The following BRAF variants were observed in gnomAD, a reference collection of about 807,000 sequenced individuals.
BRAF encodes the protein serine/threonine-protein kinase B-raf.
BRAF carries 16 observed loss-of-function variants against 104.6 expected under a neutral mutation model. The observed-to-expected ratio is 0.15, with a 90% CI of 0.10 to 0.23. BRAF has a LOEUF of 0.23. Ranked by LOEUF, BRAF falls within the 10% of genes least tolerant of loss-of-function variation. BRAF has a pLI of 1.00. For missense variants in BRAF, 541 were observed against 937.3 expected (o/e 0.58, Z 5.52); for synonymous variants, 310 against 341.6 (o/e 0.91, Z 1.02).
intron 1 of BRAF, among the ~76,000 whole-genome samples, chr7:140,909,574 G>C (rs1486285484): frequency 1.3e-5 from 2 of 152,156 alleles, no homozygotes; most frequent in African/African-American, 2.4e-5. Flanking sequence ...ACTGCAGACT[G>C]AAGAGTATTT....
intron 17 of BRAF, chr7:140,740,665 T>C (rs1237209416): frequency 6.6e-6 from 1 of 152,222 alleles, no homozygotes; most frequent in Non-Finnish European, 1.5e-5. Context: ...TTAGAGGGAA[T>C]AGGTGCAACA....
At chr7:140,846,409 G>A (rs1032497462) in intron 2 of BRAF, among the ~76,000 whole-genome samples, 1 of 152,276 alleles carries the variant, frequency 6.6e-6, no homozygotes, top group Admixed American at 6.5e-5. Context: ...AAATAAGCCA[G>A]TCACAAAAGG....
In BRAF at chr7:140,724,056, G is replaced by A. The variant is rs747956850; in HGVS notation, c.*2438C>T. 4.6e-4 allele frequency: 486 copies of A among 1,047,778 alleles called. 6 individuals carry two copies. Among genetic ancestry groups the A allele is most frequent in the Non-Finnish European group, 1.0e-4 (88 of 868,374 alleles). 64.9% of individuals were successfully genotyped at this position (1,047,778 alleles called of 1,614,324 possible). ...TCTCAATATGCTAAGCCTGGCTCCT[G>A]GGCACAGCTTCATTTGAGATCAAGT... On this transcript the variant is annotated 3_prime_UTR_variant, in exon 20 of 20. Transcript: ENST00000644969.
intron 19 of BRAF, chr7:140,733,011 T>TA (rs1796101461): frequency 6.6e-6 from 1 of 152,208 alleles, no homozygotes; most frequent in South Asian, 2.1e-4. Flanking sequence ...TGTACTTCTT[T>TA]ATTCCTTAGT....
At chr7:140,749,476 C>T (rs1585998846) in intron 16 of BRAF, 58 bp from the exon 16 acceptor site, 2 of 1,560,846 alleles carry the variant, frequency 1.3e-6, no homozygotes, top group South Asian at 1.1e-5. Flanking sequence ...GACTGAAAAA[C>T]AACCTACTAT....
intron 1 of BRAF, among the ~76,000 whole-genome samples, chr7:140,853,974 AT>A (rs1809489995): frequency 2.0e-5 from 3 of 152,266 alleles, no homozygotes; most frequent in South Asian, 4.1e-4. Context: ...TTAAAAAAAA[AT>A]GAATACTTTA....
rs748461475 is a variant in BRAF, at chr7:140,734,779, AAAAAAAG to A, written c.2248-16_2248-10del. 7 of 1,334,316 alleles carry A rather than the reference AAAAAAAG, an allele frequency of 5.2e-6. No individual in the cohort carries two copies. The highest frequency in any genetic ancestry group is 2.9e-5 in the South Asian group (2 of 68,276). The allele number at this position is 1,334,316 out of a possible 1,614,324, so 82.7% of individuals were successfully genotyped here. On this transcript the variant is annotated splice_polypyrimidine_tract_variant and intron_variant, in intron 18 of 19. Coordinates refer to ENST00000644969, the MANE Select transcript of BRAF (RefSeq NM_001374258.1). ...TCAATAGAGGCGAGAATCTACAAAA[AAAAAAAG>A]AAAAAAAAAAGAAAAAAAAAGAAAA...
At chr7:140,715,557 T>C (rs1795113150), downstream of BRAF, among the ~76,000 whole-genome samples, 1 of 152,220 alleles carries the variant, frequency 6.6e-6, no homozygotes, top group Non-Finnish European at 1.5e-5. Flanking sequence ...AATCAGTTGC[T>C]TGATTTAAAA....
At chr7:140,835,361 C>A (rs769228076) in intron 2 of BRAF, 16 of 165,578 alleles carry the variant, frequency 9.7e-5, no homozygotes, top group Non-Finnish European at 2.0e-4. Flanking sequence ...TCCAAAAAAA[C>A]CCCAAAATTT....
chr7:140,760,412 T>TGA (rs1232525155), intron 14 of BRAF, among the ~76,000 whole-genome samples: 6 of 135,292 alleles, frequency 4.4e-5, no homozygotes, highest in Admixed American at 1.5e-4. Flanking sequence ...GACTCTTCCT[T>TGA]GAGAGAGAGA....
At chr7:140,888,607 G>A (rs938008940) in intron 1 of BRAF, among the ~76,000 whole-genome samples, 7 of 152,048 alleles carry the variant, frequency 4.6e-5, no homozygotes, top group East Asian at 1.9e-4. Context: ...AAGCTGAGGC[G>A]GGCAGATCAC....
intron 3 of BRAF, among the ~76,000 whole-genome samples, chr7:140,826,362 CTA>C (rs1194748971): frequency 6.6e-6 from 1 of 152,110 alleles, no homozygotes; most frequent in East Asian, 1.9e-4. Context: ...TTTTCCAACT[CTA>C]TTACAAAAAA....
At chr7:140,812,193 T>TGTGTGTGTGTGTGA (rs1562971679) in intron 3 of BRAF, among the ~76,000 whole-genome samples, 4 of 149,866 alleles carry the variant, frequency 2.7e-5, no homozygotes, top group Non-Finnish European at 4.4e-5. Context: ...TGTGTGTGTG[T>TGTGTGTGTGTGTGA]GAGGGTGGGA....
chr7:140,714,600 A>G (rs1271656777), downstream of BRAF, among the ~76,000 whole-genome samples: 1 of 152,106 alleles, frequency 6.6e-6, no homozygotes, highest in African/African-American at 2.4e-5. Flanking sequence ...GCCTCAAGTG[A>G]TCTTCCTGCC....
rs532009631 is a variant in BRAF at position 140,811,385 on chromosome 7, GA to G, written c.505-2391del. The stretch of plus-strand genomic sequence containing the variant: ...GCCACTACCCAAACAGGACTGGCCA[GA>G]AGCTGAGGTGGAGTGGCTATCACCC... On this transcript the variant is annotated intron_variant, in intron 3 of 19. Transcript: ENST00000644969. 2.0e-4 allele frequency among the ~76,000 whole-genome samples: 30 copies of G among 152,228 alleles called. No homozygotes were observed. In the East Asian group the frequency reaches 5.2e-3, roughly 26 times the overall value.
intron 2 of BRAF, among the ~76,000 whole-genome samples, chr7:140,840,815 A>T (rs1262257843): frequency 6.7e-6 from 1 of 149,808 alleles, no homozygotes; most frequent in African/African-American, 2.4e-5. Context: ...CCCAGGCTCA[A>T]GCGATCCTCC....
At chr7:140,732,529 A>G (rs1331857290) in intron 19 of BRAF, 2 of 152,130 alleles carry the variant, frequency 1.3e-5, no homozygotes, top group Admixed American at 6.5e-5. Context: ...GGTGGACCTA[A>G]TTTAAAAGAG....
At chr7:140,735,959 G>A (rs1416641781) in intron 18 of BRAF, among the ~76,000 whole-genome samples, 3 of 151,970 alleles carry the variant, frequency 2.0e-5, no homozygotes, top group African/African-American at 7.3e-5. Context: ...TAAATTCCAA[G>A]TATAACATGC....
At position 140,723,368 on chromosome 7, in the gene BRAF, A is replaced by G; in HGVS notation, c.*3126T>C. 3.8e-6 allele frequency: 4 copies of G among 1,055,236 alleles called. No homozygotes were observed. Among genetic ancestry groups the G allele is most frequent in the Non-Finnish European group, 4.6e-6 (4 of 873,092 alleles). 65.4% of individuals were successfully genotyped at this position (1,055,236 alleles called of 1,614,324 possible). ...CTGCTCTTTCTTCTCCAACACCAAC[A>G]TAAATATAGCATATATCATTTGTAT... On this transcript the variant is annotated 3_prime_UTR_variant, in exon 20 of 20. Transcript: ENST00000644969.
Sources: gnomAD v4.1 joint callset for allele counts (sites outside exome capture counted in the v4.1 genomes callset) on GRCh38, gnomAD v4.1.1 for gene constraint, MANE v1.5 for transcripts, NCBI Gene and HGNC (gene_info 2026-07-23, HGNC 2026-07-21) for gene names.